The following GABRA1 variants were observed in gnomAD, a reference collection of about 807,000 sequenced individuals.
GABRA1 encodes the protein gamma-aminobutyric acid receptor subunit alpha-1.
Under a neutral mutation model 48.9 loss-of-function variants are expected in GABRA1, and 9 were observed. The observed-to-expected ratio is 0.18, with a 90% CI of 0.11 to 0.32. The LOEUF (loss-of-function observed/expected upper bound fraction) is 0.32, where lower values mean the gene tolerates loss of function less well. Among genes scored for constraint, GABRA1 ranks in the 10% least tolerant of loss-of-function variants. The pLI is 1.00. For missense variants in GABRA1, 285 were observed against 553.8 expected (o/e 0.51, Z 4.87); for synonymous variants, 210 against 198.7 (o/e 1.06, Z -0.48).
intron 7 of GABRA1, among the ~76,000 whole-genome samples, chr5:161,887,096 A>C (rs2113432045): frequency 6.6e-6 from 1 of 152,366 alleles, no homozygotes; most frequent in African/African-American, 2.4e-5. Flanking sequence ...AAAAACACAC[A>C]GTGATGACTG....
At chr5:161,895,609 A>T (rs956124910) in intron 8 of GABRA1, 57 bp from the exon 9 acceptor site, 1 of 1,458,524 alleles carries the variant, frequency 6.9e-7, no homozygotes, top group African/African-American at 1.4e-5. Flanking sequence ...CTGTCCCATC[A>T]TGATGAAATT....
At chr5:161,868,345 A>G (rs1375959235) in intron 4 of GABRA1, among the ~76,000 whole-genome samples, 1 of 152,086 alleles carries the variant, frequency 6.6e-6, no homozygotes, top group Non-Finnish European at 1.5e-5. Context: ...GCACAGGAGA[A>G]TTTTTCACTC....
At chr5:161,883,811 C>T (rs1754719347) in intron 7 of GABRA1, among the ~76,000 whole-genome samples, 1 of 152,120 alleles carries the variant, frequency 6.6e-6, no homozygotes, top group Non-Finnish European at 1.5e-5. Context: ...TTCTGACTAA[C>T]AGGATCTGTC....
At chr5:161,892,643 A>C (rs1755144685) in intron 8 of GABRA1, among the ~76,000 whole-genome samples, 1 of 151,922 alleles carries the variant, frequency 6.6e-6, no homozygotes, top group African/African-American at 2.4e-5. Flanking sequence ...TATCTGTATG[A>C]GTATGCCTTT....
In GABRA1 at chr5:161,871,998, A is replaced by C. The variant is rs563977404; in HGVS notation, c.256-1119A>C. 2.0e-5 allele frequency among the ~76,000 whole-genome samples: 3 copies of C among 152,348 alleles called. No individual in the cohort carries two copies. The East Asian group carries it at 5.8e-4, about 29-fold the overall frequency. ...AGGAGACATGTAGTTAAGTTCGTAC[A>C]CGAAACTCCTAAACACATACATTTT... On this transcript the variant is annotated intron_variant, in intron 4 of 9. Coordinates refer to ENST00000393943, the MANE Select transcript of GABRA1 (RefSeq NM_001127644.2).
intron 8 of GABRA1, among the ~76,000 whole-genome samples, chr5:161,891,619 T>C (rs922669154): frequency 2.0e-5 from 3 of 152,170 alleles, no homozygotes; most frequent in African/African-American, 7.2e-5. Context: ...TCTAATTGAG[T>C]ATTGTTTAAA....
In GABRA1 at chr5:161,899,939, T is replaced by G. The variant is rs966538791; in HGVS notation, c.*2517T>G. On this transcript the variant is annotated 3_prime_UTR_variant, in exon 10 of 10. Coordinates refer to ENST00000393943, the MANE Select transcript of GABRA1 (RefSeq NM_001127644.2). Reference sequence around the variant, plus strand: ...ATTCTACTGAATAATAAAGCTAACATTATTCAATAATAAAATGGAATACTT... The same window carrying G: ...ATTCTACTGAATAATAAAGCTAACAGTATTCAATAATAAAATGGAATACTT... 1 of 152,170 alleles carries G rather than the reference T, an allele frequency of 6.6e-6. No homozygotes were observed. Among genetic ancestry groups the G allele is most frequent in the African/African-American group, 2.4e-5 (1 of 41,450 alleles). 9.4% of individuals were successfully genotyped at this position (152,170 alleles called of 1,614,324 possible).
intron 7 of GABRA1, among the ~76,000 whole-genome samples, chr5:161,888,766 T>G (rs1754959825): frequency 6.6e-6 from 1 of 152,046 alleles, no homozygotes; most frequent in Admixed American, 6.6e-5. Flanking sequence ...ATCACTTTCT[T>G]CTTTTCAAAT....
In GABRA1 at chr5:161,895,691, A is replaced by C; in HGVS notation, c.882A>C (p.Thr294=). Reference sequence around the variant, plus strand: ...GAGTAACAACTGTGCTCACCATGACAACATTGAGCATCAGTGCCAGAAACT... The same window carrying C: ...GAGTAACAACTGTGCTCACCATGACCACATTGAGCATCAGTGCCAGAAACT... ...VFGVTTVLTM[T]TLSISARNSL... The change falls in exon 9 of 10, where the codon ACA becomes ACC. Residue 294 remains threonine, a synonymous_variant. Transcript: ENST00000393943. 6.2e-7 allele frequency: 1 copy of C among 1,613,868 alleles called. No homozygotes were observed. Among genetic ancestry groups the C allele is most frequent in the Non-Finnish European group, 8.5e-7 (1 of 1,179,904 alleles).
intron 4 of GABRA1, among the ~76,000 whole-genome samples, chr5:161,870,201 G>T (rs1355981939): frequency 6.6e-6 from 1 of 152,104 alleles, no homozygotes. Flanking sequence ...GGTAGGTTCA[G>T]AACTTACATC....
At chr5:161,882,464 G>A in intron 6 of GABRA1, 94 bp from the exon 7 acceptor site, 1 of 1,197,692 alleles carries the variant, frequency 8.3e-7, no homozygotes, top group African/African-American at 1.5e-5. Flanking sequence ...CTGGAACCAT[G>A]ATATAGAAAA....
At chr5:161,857,472 A>G (rs1757692845) in intron 3 of GABRA1, among the ~76,000 whole-genome samples, 1 of 151,586 alleles carries the variant, frequency 6.6e-6, no homozygotes, top group Admixed American at 6.6e-5. Flanking sequence ...TGGTTAATCT[A>G]GATGATAGGA....
At chr5:161,865,348 G>A (rs1758010310) in intron 3 of GABRA1, among the ~76,000 whole-genome samples, 1 of 152,050 alleles carries the variant, frequency 6.6e-6, no homozygotes, top group African/African-American at 2.4e-5. Context: ...AATACCTGGA[G>A]GATCTGTCTA....
intron 3 of GABRA1, among the ~76,000 whole-genome samples, chr5:161,855,273 T>G (rs917844267): frequency 5.9e-5 from 9 of 151,628 alleles, no homozygotes; most frequent in Non-Finnish European, 1.2e-4. Context: ...ACTAAATGGT[T>G]GCATGGATTT....
Position 161,859,154 on chromosome 5 carries a change from G to A in GABRA1, c.187+4884G>A, listed in dbSNP as rs1013141206. Reference sequence around the variant, plus strand: ...TCATTTATAGAGTTTCTTTGACAGCGTCAATTAGAAGAGCGTTAGTAACTG... The same window carrying A: ...TCATTTATAGAGTTTCTTTGACAGCATCAATTAGAAGAGCGTTAGTAACTG... On this transcript the variant is annotated intron_variant, in intron 3 of 9. Coordinates refer to ENST00000393943, the MANE Select transcript of GABRA1 (RefSeq NM_001127644.2). Among the ~76,000 whole-genome samples the A allele has an allele frequency of 2.6e-5, 4 of 151,616 alleles. 1 individual carries two copies. The South Asian group carries it at 6.2e-4, about 24-fold the overall frequency.
chr5:161,850,688 C>G, intron 1 of GABRA1, 108 bp from the exon 2 acceptor site: 1 of 865,496 alleles, frequency 1.2e-6, no homozygotes, highest in Non-Finnish European at 2.0e-6. Context: ...CCAGTGAGGT[C>G]ATTTCCTGAC....
intron 5 of GABRA1, among the ~76,000 whole-genome samples, chr5:161,874,658 G>T (rs186272402): frequency 6.6e-6 from 1 of 152,102 alleles, no homozygotes; most frequent in Admixed American, 6.6e-5. Context: ...TTTAATTTAA[G>T]AATGCAATTT....
At chr5:161,879,887 A>G (rs901381851) in intron 6 of GABRA1, among the ~76,000 whole-genome samples, 1 of 152,290 alleles carries the variant, frequency 6.6e-6, no homozygotes, top group Non-Finnish European at 1.5e-5. Context: ...GCAGCTCCGT[A>G]ACAACACATG....
chr5:161,886,710 G>T (rs1581211007), intron 7 of GABRA1, among the ~76,000 whole-genome samples: 1 of 152,134 alleles, frequency 6.6e-6, no homozygotes, highest in Middle Eastern at 3.4e-3. Flanking sequence ...CAGGGAGGTA[G>T]AAGCTTCACT....
Sources: gnomAD v4.1 joint callset for allele counts (sites outside exome capture counted in the v4.1 genomes callset) on GRCh38, gnomAD v4.1.1 for gene constraint, MANE v1.5 for transcripts, NCBI Gene and HGNC (gene_info 2026-07-23, HGNC 2026-07-21) for gene names.